CDRT4: variants seen among roughly 807,000 people sequenced by gnomAD.
CDRT4 encodes the protein CMT1A duplicated region transcript 4 protein.
For synonymous variants in CDRT4, 64 were observed against 69.6 expected, an observed-to-expected ratio of 0.92 and a Z score of 0.40; for missense variants, 167 against 193.1, an observed-to-expected ratio of 0.87 and a Z score of 0.80.
At chr17:15,459,100 T>C (rs1334704993) in intron 1 of CDRT4, among the ~76,000 whole-genome samples, 1 of 152,220 alleles carries the variant, frequency 6.6e-6, no homozygotes, top group African/African-American at 2.4e-5. Context: ...TCAGAACAGC[T>C]ATGCCAAACT....
intron 1 of CDRT4, among the ~76,000 whole-genome samples, chr17:15,459,439 CTTTT>C (rs35161691): frequency 0.012 from 1,247 of 107,404 alleles, 3 homozygotes; most frequent in African/African-American, 0.044. Flanking sequence ...CTTTTTTTTT[CTTTT>C]TTTTTTTTTT....
chr17:15,457,353 A>G (rs1434009564), intron 1 of CDRT4, among the ~76,000 whole-genome samples: 3 of 152,206 alleles, frequency 2.0e-5, no homozygotes. Flanking sequence ...CAAAAGAGAA[A>G]AGCTAACTTT....
chr17:15,464,943 ACAC>A lies in CDRT4; in HGVS notation c.-130+2514_-130+2516del, dbSNP rs1029456631. On this transcript the variant is annotated intron_variant, in intron 1 of 3. Coordinates refer to ENST00000619038, the MANE Select transcript of CDRT4 (RefSeq NM_001204477.2). The surrounding 1 kb of genome is among the most constrained non-coding windows in gnomAD (Gnocchi z 4.5). ...GTGCAAGTGGGTGCAACACACACAC[ACAC>A]CAACACACAGACACACACACCAACA... Among the ~76,000 whole-genome samples the A allele has an allele frequency of 2.6e-5, 4 of 152,194 alleles. No homozygotes were observed. The highest frequency in any genetic ancestry group is 1.9e-4 in the East Asian group (1 of 5,182).
At chr17:15,440,447 G>C (rs1978706378) in intron 2 of CDRT4, among the ~76,000 whole-genome samples, 162 bp from the exon 3 acceptor site, 1 of 152,126 alleles carries the variant, frequency 6.6e-6, no homozygotes, top group African/African-American at 2.4e-5. Context: ...GCTGGAGACA[G>C]GCCAAGTGAG....
chr17:15,438,474 A>G (rs1978607606), intron 3 of CDRT4, among the ~76,000 whole-genome samples: 1 of 152,188 alleles, frequency 6.6e-6, no homozygotes, highest in Non-Finnish European at 1.5e-5. Flanking sequence ...AAATTGTTTT[A>G]CCCCTGAACT....
chr17:15,439,024 G>A (rs1597454795), intron 3 of CDRT4: 1 of 426,080 alleles, frequency 2.3e-6, no homozygotes, highest in East Asian at 7.5e-5. Context: ...CAACGCATTA[G>A]TTTATCAAGC....
At chr17:15,459,956 C>T (rs902678085) in intron 1 of CDRT4, among the ~76,000 whole-genome samples, 1 of 152,082 alleles carries the variant, frequency 6.6e-6, no homozygotes, top group East Asian at 1.9e-4. Flanking sequence ...CCATGCTGGC[C>T]CCTGCTCCTC....
At chr17:15,444,206 C>G (rs1422438357) in intron 2 of CDRT4, 5 of 905,570 alleles carry the variant, frequency 5.5e-6, no homozygotes, top group African/African-American at 1.6e-5. Flanking sequence ...TAAGAGATGT[C>G]CAGCTACAGA....
At chr17:15,459,900 C>T (rs1222933372) in intron 1 of CDRT4, among the ~76,000 whole-genome samples, 2 of 152,092 alleles carry the variant, frequency 1.3e-5, no homozygotes, top group Non-Finnish European at 2.9e-5. Context: ...CCAGCAGGCC[C>T]CTTTCTCCTG....
chr17:15,462,427 C>CAAAAAA (rs55662712), intron 1 of CDRT4, among the ~76,000 whole-genome samples: 4 of 59,882 alleles, frequency 6.7e-5, no homozygotes, highest in Admixed American at 2.2e-4. Flanking sequence ...GACTCCATCT[C>CAAAAAA]AAAAAAAAAA....
intron 1 of CDRT4, among the ~76,000 whole-genome samples, chr17:15,455,492 T>G (rs1979446227): frequency 6.6e-6 from 1 of 152,218 alleles, no homozygotes; most frequent in African/African-American, 2.4e-5. Flanking sequence ...TCCCCTCCCC[T>G]GAGTATGAAC....
chr17:15,445,516 T>A (rs1978985638), intron 2 of CDRT4, among the ~76,000 whole-genome samples: 1 of 152,212 alleles, frequency 6.6e-6, no homozygotes, highest in Non-Finnish European at 1.5e-5. Flanking sequence ...CACTCATTCA[T>A]TCATTCATTT....
chr17:15,443,711 G>A (rs1978882632), intron 2 of CDRT4: 2 of 464,058 alleles, frequency 4.3e-6, no homozygotes, highest in Non-Finnish European at 8.3e-6. Flanking sequence ...GGGACACACA[G>A]TTATCGTGAA....
intron 2 of CDRT4, among the ~76,000 whole-genome samples, chr17:15,443,106 A>C (rs1286080529): frequency 6.6e-6 from 1 of 152,072 alleles, no homozygotes; most frequent in Non-Finnish European, 1.5e-5. Context: ...CACCATTTTC[A>C]GAATCTAGTC....
rs1380958491 is a variant in CDRT4 at position 15,465,177 on chromosome 17, ACAC to A, written c.-130+2280_-130+2282del. Among the ~76,000 whole-genome samples, 31 of 131,004 alleles carry A rather than the reference ACAC, an allele frequency of 2.4e-4. 4 individuals carry two copies. The highest frequency in any genetic ancestry group is 9.5e-4 in the African/African-American group (29 of 30,524). The allele number at this position is 131,004 out of a possible 152,430, so 85.9% of individuals were successfully genotyped here. On this transcript the variant is annotated intron_variant, in intron 1 of 3. Transcript: ENST00000619038. ...AACACACACACACCAACACACAGAC[ACAC>A]AACACACATACCAACACAGACACAC...
chr17:15,443,601 G>A (rs920705098), intron 2 of CDRT4: 1 of 312,200 alleles, frequency 3.2e-6, no homozygotes, highest in Non-Finnish European at 6.1e-6. Context: ...TTTTAAAAAT[G>A]TCTGGTAATT....
chr17:15,457,966 A>G (rs1979563950), intron 1 of CDRT4, among the ~76,000 whole-genome samples: 1 of 152,106 alleles, frequency 6.6e-6, no homozygotes, highest in African/African-American at 2.4e-5. Flanking sequence ...AAGGAAACAG[A>G]GAGGGGCTCA....
intron 1 of CDRT4, among the ~76,000 whole-genome samples, chr17:15,466,178 T>C (rs1980034328): frequency 6.6e-6 from 1 of 152,174 alleles, no homozygotes; most frequent in Admixed American, 6.5e-5. Flanking sequence ...AGTCTGGATT[T>C]GAACCCAGGG....
At chr17:15,461,182 C>T (rs373487768) in intron 1 of CDRT4, among the ~76,000 whole-genome samples, 80 of 152,320 alleles carry the variant, frequency 5.3e-4, no homozygotes, top group African/African-American at 1.9e-3. Flanking sequence ...TCTGCCTGCC[C>T]TCTTAGAACT....
Sources: gnomAD v4.1 joint callset for allele counts (sites outside exome capture counted in the v4.1 genomes callset) on GRCh38, gnomAD v4.1.1 for gene constraint, Gnocchi (gnomAD v3.1) non-coding constraint, MANE v1.5 for transcripts, NCBI Gene and HGNC (gene_info 2026-07-23, HGNC 2026-07-21) for gene names.